The following KCNH5 variants were observed in gnomAD, a reference collection of about 807,000 sequenced individuals.
KCNH5 encodes the protein potassium voltage-gated channel subfamily H member 5.
Under a neutral mutation model 96.1 loss-of-function variants are expected in KCNH5, and 46 were observed. The ratio of observed to expected loss-of-function variants is 0.48; its 90% CI spans 0.38 to 0.61. The LOEUF (loss-of-function observed/expected upper bound fraction) is 0.61, where lower values mean the gene tolerates loss of function less well. Ranked by LOEUF, KCNH5 falls within the 20% of genes least tolerant of loss-of-function variation. The pLI is 0.00. For missense variants in KCNH5, 907 were observed against 1,225.8 expected (o/e 0.74, Z 3.88); for synonymous variants, 439 against 449.8 (o/e 0.98, Z 0.30).
In KCNH5 at chr14:63,045,446, G is replaced by A. The variant is rs1891907862; in HGVS notation, c.-260C>T. On this transcript the variant is annotated 5_prime_UTR_variant, in exon 1 of 11. Transcript: ENST00000322893. Reference sequence around the variant, plus strand: ...AGACTGTGGCGGTGCCGCACACGGGGCTCGGGAACTGCAGGCTCCGCGGGG... The same window carrying A: ...AGACTGTGGCGGTGCCGCACACGGGACTCGGGAACTGCAGGCTCCGCGGGG... 1 of 509,642 alleles carries A rather than the reference G, an allele frequency of 2.0e-6. No individual in the cohort carries two copies. The highest frequency in any genetic ancestry group is 3.5e-6 in the Non-Finnish European group (1 of 281,718). The allele number at this position is 509,642 out of a possible 1,614,324, so 31.6% of individuals were successfully genotyped here.
At chr14:62,767,783 C>G (rs959688212) in intron 10 of KCNH5, among the ~76,000 whole-genome samples, 1 of 152,090 alleles carries the variant, frequency 6.6e-6, no homozygotes, top group African/African-American at 2.4e-5. Flanking sequence ...TCCCATGTAG[C>G]AAACCTGTAC....
chr14:62,822,429 G>A (rs1034109245), intron 8 of KCNH5, among the ~76,000 whole-genome samples: 3 of 152,038 alleles, frequency 2.0e-5, no homozygotes, highest in East Asian at 1.9e-4. Flanking sequence ...CACATAGATC[G>A]ATGGAACAGG....
intron 9 of KCNH5, among the ~76,000 whole-genome samples, chr14:62,797,907 G>C (rs1230762152): frequency 6.6e-6 from 1 of 151,778 alleles, no homozygotes; most frequent in Non-Finnish European, 1.5e-5. Flanking sequence ...AGTAGAGATG[G>C]GGTTTCACCA....
intron 6 of KCNH5, among the ~76,000 whole-genome samples, chr14:62,970,016 T>G (rs1594651827): frequency 8.5e-6 from 1 of 117,270 alleles, no homozygotes. Flanking sequence ...CCAGCTTGGG[T>G]GACTGGGTGA....
intron 6 of KCNH5, among the ~76,000 whole-genome samples, chr14:62,979,134 T>TA (rs1299472265): frequency 6.6e-6 from 1 of 152,194 alleles, no homozygotes; most frequent in African/African-American, 2.4e-5. Flanking sequence ...TTGCCTTTAT[T>TA]AAAATCTTTA....
intron 7 of KCNH5, among the ~76,000 whole-genome samples, chr14:62,880,645 T>C (rs1340480922): frequency 1.3e-5 from 2 of 152,176 alleles, no homozygotes; most frequent in South Asian, 2.1e-4. Context: ...ATAGATGTTC[T>C]TGGGGACAAG....
intron 3 of KCNH5, among the ~76,000 whole-genome samples, chr14:63,005,714 T>C (rs1270917588): frequency 6.6e-6 from 1 of 152,166 alleles, no homozygotes; most frequent in Non-Finnish European, 1.5e-5. Context: ...TCATGTTGGT[T>C]TTTTTCCCTC....
chr14:62,799,988 GAGA>G (rs1374791623), intron 9 of KCNH5, among the ~76,000 whole-genome samples: 2 of 150,682 alleles, frequency 1.3e-5, no homozygotes, highest in East Asian at 2.0e-4. Context: ...GGAGGAGGAG[GAGA>G]AGAAGAGGAA....
chr14:62,856,898 C>T (rs139979654), intron 7 of KCNH5, among the ~76,000 whole-genome samples: 4 of 152,078 alleles, frequency 2.6e-5, no homozygotes, highest in South Asian at 2.1e-4. Flanking sequence ...AACTATTTGA[C>T]GCATTTTCCC....
chr14:63,019,603 G>T (rs1891388781), intron 1 of KCNH5, among the ~76,000 whole-genome samples: 1 of 151,890 alleles, frequency 6.6e-6, no homozygotes, highest in Non-Finnish European at 1.5e-5. Context: ...CTTTTTCAAT[G>T]AATTTTATTG....
intron 7 of KCNH5, among the ~76,000 whole-genome samples, chr14:62,853,690 G>A (rs959051648): frequency 4.0e-5 from 6 of 151,046 alleles, no homozygotes; most frequent in African/African-American, 1.2e-4. Flanking sequence ...GTCTGTTTCC[G>A]CTCCTCATTC....
chr14:62,703,860 A>G lies in KCNH5; in HGVS notation c.*3648T>C, dbSNP rs1405703913. ...AAATTGCTTAAAAGATAAAAATTAT[A>G]CAAGATAGTGGAATTCATTAGAAAT... On this transcript the variant is annotated 3_prime_UTR_variant, in exon 11 of 11. Coordinates refer to ENST00000322893, the MANE Select transcript of KCNH5 (RefSeq NM_139318.5). The G allele has an allele frequency of 6.6e-6, 1 of 151,956 alleles. No individual in the cohort carries two copies. The highest frequency in any genetic ancestry group is 2.4e-5 in the African/African-American group (1 of 41,450). The allele number at this position is 151,956 out of a possible 1,614,324, so 9.4% of individuals were successfully genotyped here.
intron 10 of KCNH5, among the ~76,000 whole-genome samples, chr14:62,766,866 G>A (rs887046398): frequency 1.3e-5 from 2 of 152,084 alleles, no homozygotes; most frequent in African/African-American, 2.4e-5. Context: ...ATGAATACTT[G>A]AGGGGATGGA....
intron 7 of KCNH5, among the ~76,000 whole-genome samples, chr14:62,854,476 C>T (rs927867762): frequency 6.6e-6 from 1 of 152,084 alleles, no homozygotes; most frequent in Admixed American, 6.5e-5. Flanking sequence ...TTATTCATGT[C>T]CTAACCATAT....
intron 7 of KCNH5, among the ~76,000 whole-genome samples, chr14:62,921,287 C>T (rs1889376693): frequency 6.6e-6 from 1 of 151,968 alleles, no homozygotes; most frequent in Non-Finnish European, 1.5e-5. Context: ...AAAATAAGAG[C>T]TAAAAACCTG....
intron 10 of KCNH5, among the ~76,000 whole-genome samples, chr14:62,714,955 C>T (rs1884652495): frequency 1.3e-5 from 2 of 152,124 alleles, no homozygotes; most frequent in South Asian, 4.1e-4. Flanking sequence ...TGGTAGAATG[C>T]ACAATAACCT....
rs1566552769 is a variant in KCNH5 at position 63,045,221 on chromosome 14, CG to C, written c.-36del. On this transcript the variant is annotated 5_prime_UTR_variant, in exon 1 of 11. Coordinates refer to ENST00000322893, the MANE Select transcript of KCNH5 (RefSeq NM_139318.5). ...GGAGAGCAGCGGCCAGGATCCGCGG[CG>C]GGGGAGGGGGGGATGCAGGCAAAGA... The C allele has an allele frequency of 1.3e-6, 2 of 1,541,460 alleles. No individual in the cohort carries two copies. Among genetic ancestry groups the C allele is most frequent in the South Asian group, 1.1e-5 (1 of 89,486 alleles).
Position 62,853,456 on chromosome 14 carries a change from C to CATATAT in KCNH5, c.1370-3610_1370-3605dup, listed in dbSNP as rs61444088. ...TCATTTCCCAAACAAAAAGAATAATCATATATATATATATATATATATATC... is the reference window on the plus strand; with the variant it reads ...TCATTTCCCAAACAAAAAGAATAATCATATATATATATATATATATATATATATATC... On this transcript the variant is annotated intron_variant, in intron 7 of 10. Coordinates refer to ENST00000322893, the MANE Select transcript of KCNH5 (RefSeq NM_139318.5). 3.2e-3 allele frequency among the ~76,000 whole-genome samples: 297 copies of CATATAT among 93,128 alleles called. 6 individuals carry two copies. Among genetic ancestry groups the CATATAT allele is most frequent in the African/African-American group, 3.6e-3 (73 of 20,156 alleles). The allele number at this position is 93,128 out of a possible 152,430, so 61.1% of individuals were successfully genotyped here.
At chr14:62,725,710 T>C (rs1430932761) in intron 10 of KCNH5, among the ~76,000 whole-genome samples, 1 of 152,230 alleles carries the variant, frequency 6.6e-6, no homozygotes, top group African/African-American at 2.4e-5. Flanking sequence ...AGACTGATCA[T>C]TGTTAAGATA....
Sources: allele counts gnomAD v4.1 joint callset (sites outside exome capture counted in the v4.1 genomes callset), GRCh38; gene constraint gnomAD v4.1.1; transcripts MANE v1.5; gene names NCBI Gene and HGNC (gene_info 2026-07-23, HGNC 2026-07-21).